Variants in SLC28A3 observed in about 807,000 individuals in gnomAD.
SLC28A3 encodes concentrative Na(+)-nucleoside cotransporter 3.
Under a neutral mutation model 84.2 loss-of-function variants are expected in SLC28A3, and 68 were observed. The ratio of observed to expected loss-of-function variants is 0.81; its 90% CI spans 0.66 to 0.99. The LOEUF is 0.99. SLC28A3 is among the 50% of genes least tolerant of loss of function. SLC28A3 has a pLI of 0.00. For synonymous variants in SLC28A3, 267 were observed against 303.6 expected (o/e 0.88, Z 1.25); for missense variants, 712 against 841.5 (o/e 0.85, Z 1.90).
chr9:84,331,779 C>T (rs948087483), intron 1 of SLC28A3, among the ~76,000 whole-genome samples: 6 of 152,112 alleles, frequency 3.9e-5, no homozygotes, highest in Non-Finnish European at 5.9e-5. Context: ...AAAAACATTC[C>T]TGCATTTTCC....
At position 84,314,814 on chromosome 9, in the gene SLC28A3, G is replaced by C. The variant is rs145699925; in HGVS notation, c.61-1360C>G. Among the ~76,000 whole-genome samples the C allele has an allele frequency of 5.4e-4, 83 of 152,346 alleles. 1 individual carries two copies. The East Asian group carries it at 5.6e-3, about 10-fold the overall frequency. Reference sequence around the variant, plus strand: ...ACAGCATGGGCTGGGTGTGGTGGCTGACGCCCGTAATCCCAGCACTTTGGG... The same window carrying C: ...ACAGCATGGGCTGGGTGTGGTGGCTCACGCCCGTAATCCCAGCACTTTGGG... On this transcript the variant is annotated intron_variant, in intron 1 of 17. Transcript: ENST00000376238.
chr9:84,299,511 C>A (rs1021028462), intron 6 of SLC28A3, 70 bp downstream of exon 6: 1 of 1,572,480 alleles, frequency 6.4e-7, no homozygotes, highest in Non-Finnish European at 8.7e-7. Flanking sequence ...CTCTCACAAT[C>A]AGTATTTTGA....
chr9:84,326,186 T>G (rs114848109), intron 1 of SLC28A3, among the ~76,000 whole-genome samples: 1,530 of 152,248 alleles, frequency 0.01, 32 homozygotes, highest in African/African-American at 0.035. Flanking sequence ...CTTTGAATTT[T>G]TTTTTTTAAT....
rs2118105295 is a variant in SLC28A3, at chr9:84,286,102, C to A, written c.1290G>T (p.Gly430=). 1 of 1,613,256 alleles carries A rather than the reference C, an allele frequency of 6.2e-7. No homozygotes were observed. The highest frequency in any genetic ancestry group is 1.1e-5 in the South Asian group (1 of 90,902). ...CCTGTGTTGCAGCTTCTAGAAGATT[C>A]CCTGAATCACTTTATCAAGAAATAG... ...NAMKMESGDS[G]NLLEAATQGA... The change falls in exon 13 of 18, where the codon GGG becomes GGT. Residue 430 remains glycine, a synonymous_variant. Transcript: ENST00000376238.
At position 84,290,220 on chromosome 9, in the gene SLC28A3, G is replaced by T; in HGVS notation, c.1083C>A (p.His361Gln). The T allele has an allele frequency of 5.0e-6, 8 of 1,614,100 alleles. No homozygotes were observed. Among genetic ancestry groups the T allele is most frequent in the Middle Eastern group, 1.6e-4 (1 of 6,062 alleles). ...TAGAGAACCCGGCGGTCATGATGGCGTGGAGTTCAGACTTGGTGATGTAAG... is the reference window on the plus strand; with the variant it reads ...TAGAGAACCCGGCGGTCATGATGGCTTGGAGTTCAGACTTGGTGATGTAAG... ...YLPYITKSEL[H>Q]AIMTAGFSTI... Residue 361 changes from histidine (H) to glutamine (Q), a missense_variant, in exon 11 of 18, where the codon CAC becomes CAA. Transcript: ENST00000376238.
chr9:84,335,704 T>G (rs891561028), intron 1 of SLC28A3, among the ~76,000 whole-genome samples: 3 of 131,596 alleles, frequency 2.3e-5, no homozygotes, highest in African/African-American at 8.8e-5. Context: ...TTCACAAGTA[T>G]GTATATACGT....
chr9:84,349,212 T>C, the SLC28A3 span, among the ~76,000 whole-genome samples: 1 of 152,200 alleles, frequency 6.6e-6, no homozygotes, highest in Non-Finnish European at 1.5e-5. Flanking sequence ...TGGTGGAATG[T>C]CATCAGTTAA....
chr9:84,286,416 C>T (rs1234792166), intron 12 of SLC28A3, among the ~76,000 whole-genome samples: 1 of 145,912 alleles, frequency 6.9e-6, no homozygotes, highest in Non-Finnish European at 1.5e-5. Flanking sequence ...CCTCAGCCTC[C>T]TGAATAGCAT....
the SLC28A3 span, among the ~76,000 whole-genome samples, chr9:84,353,310 G>A: frequency 6.6e-6 from 1 of 152,170 alleles, no homozygotes; most frequent in Non-Finnish European, 1.5e-5. Context: ...GTGGAAGCTT[G>A]AGGTGTCTTG....
chr9:84,288,105 CAA>C lies in SLC28A3; in HGVS notation c.1221_1222del (p.Phe407LeufsTer3), dbSNP rs747507177. ...TATTTTAGGTTTTTCTGTCTCAGGC[CAA>C]AAGAGTTTAGCAGCAGCCAATGACG... On this transcript the variant is annotated frameshift_variant, in exon 12 of 18. Transcript: ENST00000376238. LOFTEE classifies it high-confidence loss of function. 3.1e-6 allele frequency: 5 copies of C among 1,613,928 alleles called. No individual in the cohort carries two copies. The East Asian group carries it at 1.1e-4, about 36-fold the overall frequency.
At position 84,299,646 on chromosome 9, in the gene SLC28A3, C is replaced by G. The variant is rs1468463782; in HGVS notation, c.604G>C (p.Val202Leu). ...TACATTATGAGCCCACCGAAGGACACCAGCTGCTGTTGACCCAATTTGGCA... is the reference window on the plus strand; with the variant it reads ...TACATTATGAGCCCACCGAAGGACAGCAGCTGCTGTTGACCCAATTTGGCA... ...DTAKLGQQQL[V>L]SFGGLIMYIV... The change falls in exon 6 of 18, where the codon GTG becomes CTG. Residue 202 changes from valine (V) to leucine (L), a missense_variant. By Grantham distance (32) the Val-to-Leu change is conservative. Transcript: ENST00000376238. The G allele has an allele frequency of 1.2e-6, 2 of 1,613,818 alleles. No homozygotes were observed. The highest frequency in any genetic ancestry group is 1.7e-6 in the Non-Finnish European group (2 of 1,179,940).
intron 10 of SLC28A3, among the ~76,000 whole-genome samples, chr9:84,291,801 A>G (rs1010667365): frequency 6.6e-6 from 1 of 152,160 alleles, no homozygotes; most frequent in Non-Finnish European, 1.5e-5. Flanking sequence ...GGTGCTGGCA[A>G]GCGTTCATAC....
Position 84,294,924 on chromosome 9 carries a change from G to A in SLC28A3, c.862-649C>T, listed in dbSNP as rs75006417. Among the ~76,000 whole-genome samples, 753 of 152,266 alleles carry A rather than the reference G, an allele frequency of 4.9e-3. 5 individuals carry two copies. Among genetic ancestry groups the A allele is most frequent in the African/African-American group, 0.017 (718 of 41,544 alleles). On this transcript the variant is annotated intron_variant, in intron 8 of 17. Transcript: ENST00000376238. ...GCCATATGGGGGATCCAGGCCCTTT[G>A]TTTTGGGTTAAATGAAGGTTGGGAG...
chr9:84,298,075 C>CATGA, intron 6 of SLC28A3, 56 bp from the exon 7 acceptor site: 1 of 1,397,000 alleles, frequency 7.2e-7, no homozygotes, highest in Non-Finnish European at 1.0e-6. Flanking sequence ...CAGGCCGTGG[C>CATGA]ATGAATGTCT....
At chr9:84,299,556 C>A in intron 6 of SLC28A3, 25 bp downstream of exon 6, 1 of 1,612,214 alleles carries the variant, frequency 6.2e-7, no homozygotes. Context: ...GAAAAAAGAA[C>A]CTAAAAGATC....
chr9:84,365,618 A>C, the SLC28A3 span, among the ~76,000 whole-genome samples: 303 of 152,286 alleles, frequency 2.0e-3, no homozygotes, highest in African/African-American at 7.0e-3. Context: ...TTCTTGTAGT[A>C]GTTTCATAGA....
At chr9:84,281,897 G>A (rs147952145) in intron 14 of SLC28A3, among the ~76,000 whole-genome samples, 9 of 152,260 alleles carry the variant, frequency 5.9e-5, no homozygotes, top group Admixed American at 2.6e-4. Flanking sequence ...AGGCCGAGGC[G>A]GGTAGATCAC....
chr9:84,302,098 T>C, intron 5 of SLC28A3, 102 bp downstream of exon 5: 1 of 1,094,082 alleles, frequency 9.1e-7, no homozygotes, highest in South Asian at 1.5e-5. Context: ...CTAGCTTCCA[T>C]ATCCCATAAA....
intron 3 of SLC28A3, among the ~76,000 whole-genome samples, chr9:84,308,515 C>G (rs1825877910): frequency 6.6e-6 from 1 of 151,910 alleles, no homozygotes; most frequent in Non-Finnish European, 1.5e-5. Flanking sequence ...CACTGCACTC[C>G]AGCCTGGGCA....
Sources: allele counts gnomAD v4.1 joint callset (sites outside exome capture counted in the v4.1 genomes callset), GRCh38; gene constraint gnomAD v4.1.1; transcripts MANE v1.5; gene names NCBI Gene and HGNC (gene_info 2026-07-23, HGNC 2026-07-21).